Variants in STS observed in about 807,000 individuals in gnomAD.
The protein encoded by STS is steryl-sulfatase.
In STS, 7 loss-of-function variants were observed where a neutral mutation model predicts 26.8. The ratio of observed to expected loss-of-function variants is 0.26; its 90% CI spans 0.15 to 0.49. The LOEUF (loss-of-function observed/expected upper bound fraction) is 0.49, where lower values mean the gene tolerates loss of function less well. STS is among the 20% of genes least tolerant of loss of function. STS has a pLI of 0.98. For synonymous variants in STS, 199 were observed against 189.4 expected (o/e 1.05, Z -0.42); for missense variants, 434 against 465.6 (o/e 0.93, Z 0.63).
At chrX:7,323,599 C>T (rs992317126) in intron 8 of STS, among the ~76,000 whole-genome samples, 26 of 111,721 alleles carry the variant, frequency 2.3e-4, no homozygotes, top group South Asian at 2.3e-3. Context: ...GTATATGTGC[C>T]ACATTTTCTT....
intron 1 of STS, among the ~76,000 whole-genome samples, chrX:7,151,960 G>A (rs761860320): frequency 3.9e-4 from 43 of 111,196 alleles, no homozygotes; most frequent in Non-Finnish European, 5.5e-4. Context: ...TTATTTATTC[G>A]TTTATTTTTT....
chrX:7,304,082 C>CTG (rs58592356), intron 7 of STS, among the ~76,000 whole-genome samples: 13,469 of 111,074 alleles, frequency 0.12, 1,030 homozygotes, highest in East Asian at 0.28. Flanking sequence ...TTTTACTCCT[C>CTG]TGATTCTCAC....
At chrX:7,153,733 ACTCCTTCCCTCT>A (rs1846432134) in intron 1 of STS, among the ~76,000 whole-genome samples, 1 of 34,126 alleles carries the variant, frequency 2.9e-5, no homozygotes, top group East Asian at 8.3e-4. Context: ...CTCCTCCTCG[ACTCCTTCCCTCT>A]CTCCTTCCCT....
chrX:7,219,409 C>T, intron 2 of STS: 1 of 1,034,645 alleles, frequency 9.7e-7, no homozygotes, highest in Non-Finnish European at 1.2e-6. Context: ...CAAAAGAATG[C>T]AGCAACTAGG....
intron 7 of STS, among the ~76,000 whole-genome samples, chrX:7,279,339 ATGTGTGTGTGTGTGTGTGTATATG>A (rs1924720251): frequency 4.7e-5 from 2 of 42,323 alleles, no homozygotes; most frequent in Admixed American, 2.5e-4. Flanking sequence ...GTGTGTGTGT[ATGTGTGTGTGTGTGTGTGTATATG>A]TGTGTGTGTG....
At chrX:7,222,803 A>G (rs755549704) in intron 2 of STS, among the ~76,000 whole-genome samples, 3 of 111,466 alleles carry the variant, frequency 2.7e-5, no homozygotes, top group Non-Finnish European at 5.7e-5. Flanking sequence ...ATTTTGTTAC[A>G]GGGATATATT....
chrX:7,230,501 C>T (rs759974737), intron 2 of STS, among the ~76,000 whole-genome samples: 3 of 111,752 alleles, frequency 2.7e-5, no homozygotes, highest in Non-Finnish European at 3.8e-5. Context: ...ATTATGTGGG[C>T]ATTGTATTGG....
intron 2 of STS, among the ~76,000 whole-genome samples, chrX:7,212,181 A>G (rs914161643): frequency 1.8e-5 from 2 of 112,147 alleles, no homozygotes; most frequent in African/African-American, 6.5e-5. Flanking sequence ...TTATGAAAGA[A>G]TTCTGGGCCA....
chrX:7,151,571 C>G (rs746438314), intron 1 of STS, among the ~76,000 whole-genome samples: 1 of 112,382 alleles, frequency 8.9e-6, no homozygotes, highest in African/African-American at 3.2e-5. Flanking sequence ...GCCCAGTGAG[C>G]TCTGGAAGGG....
At chrX:7,335,450 G>T (rs1927971262) in intron 10 of STS, among the ~76,000 whole-genome samples, 1 of 111,807 alleles carries the variant, frequency 8.9e-6, no homozygotes, top group African/African-American at 3.3e-5. Flanking sequence ...CTTTTTGATG[G>T]GGTTGTTTGT....
At chrX:7,194,085 A>G (rs2147019506) in intron 2 of STS, among the ~76,000 whole-genome samples, 1 of 110,492 alleles carries the variant, frequency 9.1e-6, no homozygotes, top group African/African-American at 3.3e-5. Flanking sequence ...TTGTATTTTT[A>G]GTGGAGATGG....
chrX:7,230,564 G>A (rs752755163), intron 2 of STS, among the ~76,000 whole-genome samples: 3 of 112,188 alleles, frequency 2.7e-5, no homozygotes, highest in Admixed American at 1.9e-4. Flanking sequence ...ATTTATAAAG[G>A]AAAGAGGTTT....
chrX:7,288,333 C>T (rs189143487), intron 7 of STS, among the ~76,000 whole-genome samples: 12 of 109,429 alleles, frequency 1.1e-4, no homozygotes, highest in African/African-American at 3.7e-4. Context: ...ATCCAAAATA[C>T]TCAGGACCAG....
chrX:7,149,713 G>A lies in STS; in HGVS notation c.-134+1630G>A, dbSNP rs777839726. 2.7e-5 allele frequency among the ~76,000 whole-genome samples: 3 copies of A among 111,985 alleles called. No homozygotes were observed. In the South Asian group the frequency reaches 1.1e-3, roughly 42 times the overall value. On this transcript the variant is annotated intron_variant, in intron 1 of 10. Coordinates refer to ENST00000674429, the MANE Select transcript of STS (RefSeq NM_001320752.2). ...GAGGCCAGAAGTCCTAGATCAAGAT[G>A]TCAGCAGTCTTAATTCCTTCTGAGG...
chrX:7,212,633 G>A (rs1386816774), intron 2 of STS, among the ~76,000 whole-genome samples: 1 of 111,935 alleles, frequency 8.9e-6, no homozygotes, highest in Non-Finnish European at 1.9e-5. Flanking sequence ...CTCATCTACA[G>A]ATCCTGCAGA....
chrX:7,187,205 C>T (rs1017218713), intron 1 of STS, among the ~76,000 whole-genome samples: 5 of 112,229 alleles, frequency 4.5e-5, no homozygotes, highest in Admixed American at 9.4e-5. Flanking sequence ...TGCAAATTCT[C>T]GGCACCATAC....
chrX:7,254,722 T>C (rs1923320286), intron 3 of STS, among the ~76,000 whole-genome samples: 1 of 108,869 alleles, frequency 9.2e-6, no homozygotes, highest in Non-Finnish European at 1.9e-5. Flanking sequence ...TAGCTGGGAC[T>C]ACAGGTGTGC....
At chrX:7,205,599 TTTTTC>T (rs1210039022) in intron 2 of STS, among the ~76,000 whole-genome samples, 5 of 94,977 alleles carry the variant, frequency 5.3e-5, no homozygotes, top group South Asian at 4.7e-4. Context: ...TTTCTTTTTC[TTTTTC>T]TTTTCTTTTC....
In STS at chrX:7,350,947, G is replaced by A. The variant is rs1479398175; in HGVS notation, c.*686G>A. 2 of 112,240 alleles carry A rather than the reference G, an allele frequency of 1.8e-5. No homozygotes were observed. Among genetic ancestry groups the A allele is most frequent in the African/African-American group, 6.5e-5 (2 of 30,860 alleles). The allele number at this position is 112,240 out of a possible 1,213,427, so 9.2% of individuals were successfully genotyped here. A position where few individuals can be genotyped will look rare whatever the true frequency, so the allele number is the denominator to read the frequency against. ...ATTCTTTCCTCAAAAGGGTTAAGAT[G>A]TCTAAAATAGGGACCTAGAAGCTTA... On this transcript the variant is annotated 3_prime_UTR_variant, in exon 11 of 11. Coordinates refer to ENST00000674429, the MANE Select transcript of STS (RefSeq NM_001320752.2).
Sources: gnomAD v4.1 joint callset for allele counts (sites outside exome capture counted in the v4.1 genomes callset) on GRCh38, gnomAD v4.1.1 for gene constraint, MANE v1.5 for transcripts, NCBI Gene and HGNC (gene_info 2026-07-23, HGNC 2026-07-21) for gene names.